The following PPFIA2 variants were observed in gnomAD, a reference collection of about 807,000 sequenced individuals.
PPFIA2 encodes liprin-alpha-2.
Under a neutral mutation model 175.5 loss-of-function variants are expected in PPFIA2, and 46 were observed. That is an observed-to-expected ratio of 0.26 (90% CI 0.21 to 0.34). The LOEUF is 0.34. Among genes scored for constraint, PPFIA2 ranks in the 10% least tolerant of loss-of-function variants. The probability of loss-of-function intolerance (pLI) is 1.00; values close to 1 mark genes in which losing one functional copy is unlikely to be tolerated. For missense variants in PPFIA2, 1,179 were observed against 1,506.1 expected, an observed-to-expected ratio of 0.78 and a Z score of 3.60; for synonymous variants, 568 against 511.4, an observed-to-expected ratio of 1.11 and a Z score of -1.49.
At chr12:81,279,060 T>C (rs565228054) in intron 27 of PPFIA2, 7 of 152,296 alleles carry the variant, frequency 4.6e-5, no homozygotes, top group African/African-American at 1.7e-4. Flanking sequence ...GTGATTGCAT[T>C]TGGAGATAGT....
intron 4 of PPFIA2, among the ~76,000 whole-genome samples, chr12:81,635,148 C>T (rs2063838032): frequency 6.6e-6 from 1 of 152,172 alleles, no homozygotes; most frequent in Admixed American, 6.5e-5. Flanking sequence ...CCCTTTCCTT[C>T]TAGAATCTCT....
In PPFIA2 at chr12:81,386,831, A is replaced by G. The variant is rs1363092224; in HGVS notation, c.763-2587T>C. Among the ~76,000 whole-genome samples the G allele has an allele frequency of 2.0e-5, 3 of 152,176 alleles. No individual in the cohort carries two copies. In the East Asian group the frequency reaches 5.8e-4, roughly 29 times the overall value. ...ATGTTTTCAGCACTTGTTTAAAAAC[A>G]TGAATTTGTTTCAACATGATAGATA... On this transcript the variant is annotated intron_variant, in intron 8 of 32. Transcript: ENST00000549396.
At chr12:81,268,194 A>G (rs2037961532) in intron 28 of PPFIA2, 107 bp from the exon 29 acceptor site, 1 of 877,798 alleles carries the variant, frequency 1.1e-6, no homozygotes. Context: ...GCTGGAGTGC[A>G]GTGGCGGGAT....
chr12:81,662,772 T>C (rs546549903), intron 4 of PPFIA2, among the ~76,000 whole-genome samples: 1 of 152,276 alleles, frequency 6.6e-6, no homozygotes, highest in South Asian at 2.1e-4. Context: ...TCAACCAATA[T>C]CCCTGATGAA....
At chr12:81,572,225 C>T (rs1206241529) in intron 4 of PPFIA2, among the ~76,000 whole-genome samples, 1 of 151,970 alleles carries the variant, frequency 6.6e-6, no homozygotes, top group Non-Finnish European at 1.5e-5. Flanking sequence ...CTCTGACACA[C>T]AATCTGCTTG....
At chr12:81,553,221 T>C (rs964245670) in intron 4 of PPFIA2, among the ~76,000 whole-genome samples, 2 of 151,832 alleles carry the variant, frequency 1.3e-5, no homozygotes, top group East Asian at 1.9e-4. Context: ...GGGAAATAAA[T>C]TGAAGCATTC....
Position 81,750,073 on chromosome 12 carries a change from T to C in PPFIA2, c.249+3900A>G, listed in dbSNP as rs2083550270. Among the ~76,000 whole-genome samples the C allele has an allele frequency of 1.4e-5, 2 of 143,144 alleles. 1 individual carries two copies. Among genetic ancestry groups the C allele is most frequent in the East Asian group, 4.3e-4 (2 of 4,686 alleles). The allele number at this position is 143,144 out of a possible 152,430, so 93.9% of individuals were successfully genotyped here. ...ATTACAATATGATAAATGATAAGAGTAAGGCACACAGAACAAATGTACTTA... is the reference window on the plus strand; with the variant it reads ...ATTACAATATGATAAATGATAAGAGCAAGGCACACAGAACAAATGTACTTA... On this transcript the variant is annotated intron_variant, in intron 3 of 32. Transcript: ENST00000549396.
Position 81,752,939 on chromosome 12 carries a change from A to AT in PPFIA2, c.249+1033dup, listed in dbSNP as rs60963783. ...TAAAAGAGGCACAATTATGCTTTTC[A>AT]TTTTTTTTTTTTTTGGAGGTGGAGT... On this transcript the variant is annotated intron_variant, in intron 3 of 32. Coordinates refer to ENST00000549396, the MANE Select transcript of PPFIA2 (RefSeq NM_003625.5). 1.3e-3 allele frequency among the ~76,000 whole-genome samples: 181 copies of AT among 143,042 alleles called. 1 individual carries two copies. Among genetic ancestry groups the AT allele is most frequent in the African/African-American group, 3.1e-3 (123 of 39,112 alleles). 93.8% of individuals were successfully genotyped at this position (143,042 alleles called of 152,430 possible).
chr12:81,492,424 AC>A (rs1242481465), intron 4 of PPFIA2, among the ~76,000 whole-genome samples: 3 of 152,058 alleles, frequency 2.0e-5, no homozygotes, highest in Non-Finnish European at 4.4e-5. Context: ...GGAGAGGAAG[AC>A]ATTAAAGAAG....
intron 8 of PPFIA2, among the ~76,000 whole-genome samples, chr12:81,400,474 C>A (rs871801): frequency 0.014 from 2,173 of 152,082 alleles, 50 homozygotes; most frequent in East Asian, 0.058. Context: ...TTAAATTTAC[C>A]GATCTGAGGA....
chr12:81,346,117 G>C (rs1032801866), intron 18 of PPFIA2, among the ~76,000 whole-genome samples: 1 of 152,056 alleles, frequency 6.6e-6, no homozygotes, highest in Non-Finnish European at 1.5e-5. Flanking sequence ...CCTCAAAATT[G>C]TAAGTATGCC....
At chr12:81,337,664 A>C (rs2057341728) in intron 21 of PPFIA2, among the ~76,000 whole-genome samples, 1 of 152,158 alleles carries the variant, frequency 6.6e-6, no homozygotes, top group Non-Finnish European at 1.5e-5. Context: ...ATATATTTTA[A>C]AAGTAAAGTG....
chr12:81,629,998 G>C (rs1454525318), intron 4 of PPFIA2, among the ~76,000 whole-genome samples: 3 of 152,174 alleles, frequency 2.0e-5, no homozygotes, highest in Admixed American at 6.5e-5. Flanking sequence ...TCTTATAAGA[G>C]AGAGGCAGGA....
chr12:81,281,054 C>T (rs2041988924), intron 27 of PPFIA2, among the ~76,000 whole-genome samples: 1 of 151,986 alleles, frequency 6.6e-6, no homozygotes, highest in South Asian at 2.1e-4. Flanking sequence ...ACTTTGGGCA[C>T]ATAATATGCA....
intron 11 of PPFIA2, 117 bp downstream of exon 11, chr12:81,374,517 T>C (rs2035912921): frequency 8.2e-7 from 1 of 1,223,670 alleles, no homozygotes; most frequent in Admixed American, 2.7e-5. Flanking sequence ...CAGCTCAATA[T>C]AATAGAGATT....
intron 7 of PPFIA2, among the ~76,000 whole-genome samples, chr12:81,425,112 CT>C (rs1441934745): frequency 1.3e-5 from 2 of 152,134 alleles, no homozygotes; most frequent in Admixed American, 6.5e-5. Context: ...ATAGTACTCC[CT>C]GTTTTAAAGG....
chr12:81,504,501 C>T (rs1308095196), intron 4 of PPFIA2, among the ~76,000 whole-genome samples: 5 of 152,076 alleles, frequency 3.3e-5, no homozygotes, highest in Non-Finnish European at 7.4e-5. Context: ...ACAACAGATG[C>T]TGGAGAGGAC....
At chr12:81,480,195 C>T (rs938094417) in intron 4 of PPFIA2, among the ~76,000 whole-genome samples, 1 of 151,942 alleles carries the variant, frequency 6.6e-6, no homozygotes, top group Non-Finnish European at 1.5e-5. Flanking sequence ...TCCACTTGAT[C>T]GATTTCACTA....
rs1186399778 is a variant in PPFIA2 at position 81,738,859 on chromosome 12, A to C, written c.249+15114T>G. Among the ~76,000 whole-genome samples the C allele has an allele frequency of 3.3e-5, 5 of 152,114 alleles. No homozygotes were observed. In the East Asian group the frequency reaches 9.6e-4, roughly 29 times the overall value. Reference sequence around the variant, plus strand: ...TTGTGGGAAACATATATAAGAACACAGACACATTGAAATTAGAAATATAGA... The same window carrying C: ...TTGTGGGAAACATATATAAGAACACCGACACATTGAAATTAGAAATATAGA... On this transcript the variant is annotated intron_variant, in intron 3 of 32. Coordinates refer to ENST00000549396, the MANE Select transcript of PPFIA2 (RefSeq NM_003625.5).
Sources: gnomAD v4.1 joint callset for allele counts (sites outside exome capture counted in the v4.1 genomes callset) on GRCh38, gnomAD v4.1.1 for gene constraint, MANE v1.5 for transcripts, NCBI Gene and HGNC (gene_info 2026-07-23, HGNC 2026-07-21) for gene names.